ASCC3: variants seen among roughly 807,000 people sequenced by gnomAD.
The protein encoded by ASCC3 is activating signal cointegrator 1 complex subunit 3.
In ASCC3, 158 loss-of-function variants were observed where a neutral mutation model predicts 256.3. The ratio of observed to expected loss-of-function variants is 0.62; its 90% confidence interval spans 0.54 to 0.70. The LOEUF is 0.70. ASCC3 is among the 30% of genes least tolerant of loss of function. The pLI is 0.00. For synonymous variants in ASCC3, 948 were observed against 883.4 expected, an observed-to-expected ratio of 1.07 and a Z score of -1.30; for missense variants, 2,259 against 2,626.0, an observed-to-expected ratio of 0.86 and a Z score of 3.05.
At chr6:100,603,196 A>G (rs1582537949) in intron 33 of ASCC3, among the ~76,000 whole-genome samples, 1 of 152,244 alleles carries the variant, frequency 6.6e-6, no homozygotes, top group East Asian at 1.9e-4. Context: ...ATGAAATACT[A>G]TGTAATACAT....
In ASCC3 at chr6:100,607,065, T is replaced by A; in HGVS notation, c.4809A>T (p.Val1603=). The change falls in exon 31 of 42, where the codon GTA becomes GTT. Residue 1603 remains valine (V), a synonymous_variant. Coordinates refer to ENST00000369162, the MANE Select transcript of ASCC3 (RefSeq NM_006828.4). ...GGGTCAGCTTGAGGTTGGAATCTCT[T>A]ACTGTTGCAATGATGTTCTCCATCT... is the stretch of plus-strand genomic sequence containing the variant. ...EREMENIIAT[V]RDSNLKLTLA... 6.2e-7 allele frequency: 1 copy of A among 1,613,712 alleles called. No homozygotes were observed. Among genetic ancestry groups the A allele is most frequent in the Non-Finnish European group, 8.5e-7 (1 of 1,179,776 alleles).
intron 10 of ASCC3, among the ~76,000 whole-genome samples, chr6:100,755,874 A>C (rs1040609962): frequency 1.4e-4 from 21 of 152,150 alleles, no homozygotes; most frequent in Admixed American, 7.2e-4. Context: ...ATTAAAATTC[A>C]AATTTACTTT....
intron 4 of ASCC3, among the ~76,000 whole-genome samples, chr6:100,822,765 T>C (rs1285818460): frequency 6.6e-6 from 1 of 152,132 alleles, no homozygotes; most frequent in Non-Finnish European, 1.5e-5. Context: ...GAACTGTCCT[T>C]TAAATCCTAT....
chr6:100,803,783 A>G (rs890164695), intron 5 of ASCC3, among the ~76,000 whole-genome samples: 19 of 152,196 alleles, frequency 1.2e-4, no homozygotes. Flanking sequence ...TTAGATTTAA[A>G]TTATAGCTGT....
At chr6:100,692,980 A>C (rs1477167232) in intron 13 of ASCC3, among the ~76,000 whole-genome samples, 1 of 152,036 alleles carries the variant, frequency 6.6e-6, no homozygotes, top group African/African-American at 2.4e-5. Context: ...TATAACCTAC[A>C]ATTTAAGGAA....
chr6:100,610,348 T>G (rs1008994401), intron 30 of ASCC3, among the ~76,000 whole-genome samples: 3 of 152,154 alleles, frequency 2.0e-5, no homozygotes. Flanking sequence ...CTGCTGCAGT[T>G]TAGTAAAAAT....
At chr6:100,661,668 C>T (rs1776226863) in intron 16 of ASCC3, 138 bp downstream of exon 16, 3 of 801,720 alleles carry the variant, frequency 3.7e-6, no homozygotes, top group Non-Finnish European at 4.2e-6. Flanking sequence ...TGCCATTCAC[C>T]CTGTTTTGTC....
Position 100,509,268 on chromosome 6 carries a change from G to T in ASCC3, c.*118C>A. On this transcript the variant is annotated 3_prime_UTR_variant, in exon 42 of 42. Transcript: ENST00000369162. ...TACTGCAGCCACTGTCAATTTCCTG[G>T]ATGGTTGAGGTTAGAAGTTGATTCT... The T allele has an allele frequency of 7.3e-7, 1 of 1,376,848 alleles. No homozygotes were observed. Among genetic ancestry groups the T allele is most frequent in the Non-Finnish European group, 1.0e-6 (1 of 971,434 alleles). The allele number at this position is 1,376,848 out of a possible 1,614,324, so 85.3% of individuals were successfully genotyped here. A position where few individuals can be genotyped will look rare whatever the true frequency, so the allele number is the denominator to read the frequency against.
chr6:100,688,327 G>A (rs1020153019), intron 13 of ASCC3, among the ~76,000 whole-genome samples: 3 of 151,406 alleles, frequency 2.0e-5, no homozygotes, highest in African/African-American at 7.3e-5. Context: ...AGGTGAGCAA[G>A]AAAGCATTTA....
chr6:100,813,891 C>A (rs895888837), intron 4 of ASCC3, among the ~76,000 whole-genome samples: 10 of 152,000 alleles, frequency 6.6e-5, no homozygotes, highest in African/African-American at 2.2e-4. Context: ...TGTCTGCAAA[C>A]AGAGACAGAC....
intron 13 of ASCC3, among the ~76,000 whole-genome samples, chr6:100,687,922 A>G (rs1317819747): frequency 6.6e-6 from 1 of 152,110 alleles, no homozygotes; most frequent in Non-Finnish European, 1.5e-5. Context: ...GGACAAAAAT[A>G]ATACCACCTG....
chr6:100,853,487 C>T (rs182551498), intron 3 of ASCC3, among the ~76,000 whole-genome samples: 22 of 139,444 alleles, frequency 1.6e-4, no homozygotes, highest in Middle Eastern at 4.1e-3. Flanking sequence ...AGTTTTGAGA[C>T]GGAGTCTTGC....
intron 37 of ASCC3, among the ~76,000 whole-genome samples, chr6:100,536,886 A>G (rs1451515760): frequency 6.6e-6 from 1 of 152,208 alleles, no homozygotes; most frequent in East Asian, 1.9e-4. Context: ...GGTAGTATTC[A>G]AGAAACACTG....
intron 4 of ASCC3, among the ~76,000 whole-genome samples, chr6:100,842,608 G>A (rs750869603): frequency 7.2e-5 from 11 of 151,916 alleles, no homozygotes; most frequent in East Asian, 3.9e-4. Context: ...TCTGATTTTC[G>A]AAAATAGTTA....
intron 36 of ASCC3, among the ~76,000 whole-genome samples, chr6:100,581,548 A>C (rs566078617): frequency 0.033 from 4,959 of 150,676 alleles, 238 homozygotes; most frequent in African/African-American, 0.11. Flanking sequence ...GTTCACTCTG[A>C]TGGTAGTTTC....
intron 8 of ASCC3, among the ~76,000 whole-genome samples, chr6:100,777,429 A>ATTG (rs895514349): frequency 2.0e-5 from 3 of 152,138 alleles, no homozygotes; most frequent in African/African-American, 7.2e-5. Flanking sequence ...TAAGGTAGAC[A>ATTG]AAGTCTCTGC....
At chr6:100,781,389 T>C (rs950567216) in intron 8 of ASCC3, among the ~76,000 whole-genome samples, 3 of 152,080 alleles carry the variant, frequency 2.0e-5, no homozygotes, top group African/African-American at 4.8e-5. Flanking sequence ...TTGTTTCGTT[T>C]TGTTTTGTTT....
intron 8 of ASCC3, among the ~76,000 whole-genome samples, chr6:100,782,660 A>G (rs1782504508): frequency 1.3e-5 from 2 of 152,280 alleles, no homozygotes; most frequent in South Asian, 2.1e-4. Flanking sequence ...AATTTCCTCA[A>G]TAGTGTACCA....
chr6:100,598,606 T>C (rs1772436187), intron 34 of ASCC3, among the ~76,000 whole-genome samples: 1 of 152,142 alleles, frequency 6.6e-6, no homozygotes. Flanking sequence ...TAGAAGGCAG[T>C]TTGTAACCAG....
Sources: gnomAD v4.1 joint callset for allele counts (sites outside exome capture counted in the v4.1 genomes callset) on GRCh38, gnomAD v4.1.1 for gene constraint, MANE v1.5 for transcripts, NCBI Gene and HGNC (gene_info 2026-07-23, HGNC 2026-07-21) for gene names.